The following OR3A2 variants were observed in gnomAD, a reference collection of about 807,000 sequenced individuals.
OR3A2 encodes the protein olfactory receptor family 3 subfamily A member 2.
For synonymous variants in OR3A2, 126 were observed against 159.3 expected (o/e 0.79, Z 1.57); for missense variants, 318 against 392.8 (o/e 0.81, Z 1.61).
intron 3 of OR3A2, among the ~76,000 whole-genome samples, chr17:3,319,312 C>T (rs561114904): frequency 5.9e-5 from 9 of 151,666 alleles, no homozygotes; most frequent in Admixed American, 2.0e-4. Flanking sequence ...TTGGGGGCCA[C>T]ATATATCTCT....
At chr17:3,315,688 G>C (rs987831359) in intron 3 of OR3A2, among the ~76,000 whole-genome samples, 2 of 149,118 alleles carry the variant, frequency 1.3e-5, no homozygotes, top group Non-Finnish European at 3.0e-5. Flanking sequence ...TCTTTAATTA[G>C]GTCCCACTTG....
intron 3 of OR3A2, among the ~76,000 whole-genome samples, chr17:3,334,124 C>T (rs938126449): frequency 9.2e-5 from 14 of 152,186 alleles, no homozygotes; most frequent in African/African-American, 3.1e-4. Context: ...GGCGAGGTTG[C>T]AGAGAAAAAG....
chr17:3,321,731 C>T (rs943336317), intron 3 of OR3A2, among the ~76,000 whole-genome samples: 2 of 152,004 alleles, frequency 1.3e-5, no homozygotes, highest in African/African-American at 4.8e-5. Flanking sequence ...GGATGAAGCC[C>T]ACTTGATCAT....
chr17:3,290,077 A>T lies in OR3A2; in HGVS notation c.-84-10924T>A, dbSNP rs376677344. 3.1e-4 allele frequency among the ~76,000 whole-genome samples: 47 copies of T among 152,234 alleles called. 2 individuals carry two copies. In the South Asian group the frequency reaches 8.7e-3, roughly 28 times the overall value. ...TGACATCCTAGGAGCACCTCTGTTT[A>T]GAGAAAGAGAAAACGAGTCCTTGGT... On this transcript the variant is annotated intron_variant, in intron 3 of 4. Coordinates refer to the OR3A2 transcript ENST00000573491.
intron 2 of OR3A2, among the ~76,000 whole-genome samples, chr17:3,371,723 G>A (rs1257940080): frequency 8.4e-5 from 12 of 143,298 alleles, no homozygotes; most frequent in Admixed American, 1.4e-4. Context: ...CCTCCCGGAC[G>A]GGGCAGCTGG....
chr17:3,363,330 T>C (rs1269714793), intron 2 of OR3A2, among the ~76,000 whole-genome samples: 3 of 151,810 alleles, frequency 2.0e-5, no homozygotes, highest in Non-Finnish European at 2.9e-5. Flanking sequence ...TTCTGCCAGA[T>C]ACTCTAAATG....
intron 2 of OR3A2, among the ~76,000 whole-genome samples, chr17:3,339,135 T>C (rs1006198797): frequency 1.2e-4 from 18 of 152,220 alleles, no homozygotes; most frequent in African/African-American, 4.1e-4. Flanking sequence ...GAGACTTTGC[T>C]GAAGTTGCTT....
chr17:3,335,426 A>G (rs2049269241), intron 3 of OR3A2, among the ~76,000 whole-genome samples: 1 of 152,162 alleles, frequency 6.6e-6, no homozygotes. Flanking sequence ...GATTTTTCCA[A>G]TGAATAATCA....
chr17:3,355,706 T>C (rs930338943), intron 2 of OR3A2, among the ~76,000 whole-genome samples: 1 of 151,392 alleles, frequency 6.6e-6, no homozygotes, highest in Non-Finnish European at 1.5e-5. Flanking sequence ...TGTGTGCATA[T>C]TTATAGGTGA....
upstream of OR3A2, among the ~76,000 whole-genome samples, chr17:3,286,793 A>C (rs2048817161): frequency 6.6e-6 from 1 of 151,998 alleles, no homozygotes; most frequent in Non-Finnish European, 1.5e-5. Context: ...AAATTTGTTT[A>C]AGTTCTTTGT....
At chr17:3,366,085 G>T (rs544746592) in intron 2 of OR3A2, among the ~76,000 whole-genome samples, 44 of 152,322 alleles carry the variant, frequency 2.9e-4, no homozygotes, top group Admixed American at 1.3e-3. Context: ...AGCGGAAAAC[G>T]TCTGATGGAA....
intron 2 of OR3A2, among the ~76,000 whole-genome samples, chr17:3,354,945 G>GCA (rs2049452603): frequency 3.3e-5 from 5 of 151,042 alleles, no homozygotes; most frequent in African/African-American, 1.2e-4. Context: ...CATAGGTTTT[G>GCA]GTATGTTGTG....
intron 3 of OR3A2, among the ~76,000 whole-genome samples, chr17:3,324,155 A>G (rs1296646555): frequency 2.0e-5 from 3 of 151,974 alleles, no homozygotes; most frequent in Non-Finnish European, 4.4e-5. Context: ...CGCATCGGCT[A>G]CTGAGGCTTC....
Position 3,321,871 on chromosome 17 carries a change from G to A in OR3A2, c.-85+14162C>T, listed in dbSNP as rs138098368. The stretch of plus-strand genomic sequence containing the variant: ...GTGGTTGTGTCTCTGCCAGCCTTTG[G>A]TATCAGGATGATGCTGGCCTCATCA... On this transcript the variant is annotated intron_variant, in intron 3 of 4. Coordinates refer to the OR3A2 transcript ENST00000573491. Among the ~76,000 whole-genome samples the A allele has an allele frequency of 3.9e-3, 591 of 152,174 alleles. 4 individuals carry two copies. Among genetic ancestry groups the A allele is most frequent in the African/African-American group, 0.013 (546 of 41,494 alleles).
chr17:3,297,729 AT>A, intron 3 of OR3A2, among the ~76,000 whole-genome samples: 1 of 147,906 alleles, frequency 6.8e-6, no homozygotes, highest in African/African-American at 2.7e-5. Flanking sequence ...AGGGTTCAAT[AT>A]TTCTGAAATA....
At chr17:3,309,944 C>A in intron 3 of OR3A2, 1 of 208,848 alleles carries the variant, frequency 4.8e-6, no homozygotes, top group Non-Finnish European at 9.8e-6. Flanking sequence ...TGTACCTCAA[C>A]TATGGCCATG....
At chr17:3,278,138 G>A (rs1340340365) in exon 2 of OR3A2, 1 of 1,614,110 alleles carries the variant, frequency 6.2e-7, no homozygotes, top group Non-Finnish European at 8.5e-7. Context: ...TCATGTAGTT[G>A]AAGATACCTC....
rs979717058 is a variant in OR3A2 at position 3,329,152 on chromosome 17, G to A, written c.-85+6881C>T. On this transcript the variant is annotated intron_variant, in intron 3 of 4. Transcript: ENST00000573491. ...GGATTTTTGCATCAATGTTCATCAA[G>A]GATATTGGTCTAAAATTCTCTTTTT... 4.3e-4 allele frequency among the ~76,000 whole-genome samples: 66 copies of A among 151,860 alleles called. 3 individuals are homozygous for A. Among genetic ancestry groups the A allele is most frequent in the Non-Finnish European group, 1.2e-4 (8 of 67,996 alleles).
chr17:3,347,635 A>C (rs1437189081), intron 2 of OR3A2, among the ~76,000 whole-genome samples: 1 of 152,192 alleles, frequency 6.6e-6, no homozygotes, highest in Non-Finnish European at 1.5e-5. Context: ...TTCTTAATCC[A>C]GTCTATCATT....
Sources: gnomAD v4.1 joint callset for allele counts (sites outside exome capture counted in the v4.1 genomes callset) on GRCh38, gnomAD v4.1.1 for gene constraint, MANE v1.5 for transcripts, NCBI Gene and HGNC (gene_info 2026-07-23, HGNC 2026-07-21) for gene names.